Variants in NEBL observed in about 807,000 individuals in gnomAD.
NEBL encodes the protein nebulette, also known as LIM and SH3 protein 2.
A neutral mutation model predicts 140.2 loss-of-function variants in NEBL; 122 were observed. The ratio of observed to expected loss-of-function variants is 0.87; its 90% CI spans 0.75 to 1.01. The LOEUF is 1.01. Among genes scored for constraint, NEBL ranks in the 50% least tolerant of loss-of-function variants. The pLI is 0.00. For missense variants in NEBL, 1,365 were observed against 1,231.3 expected (o/e 1.11, Z -1.62); for synonymous variants, 436 against 398.9 (o/e 1.09, Z -1.11).
At chr10:20,968,685 A>G (rs1239963212) in intron 3 of NEBL, among the ~76,000 whole-genome samples, 1 of 152,242 alleles carries the variant, frequency 6.6e-6, no homozygotes, top group East Asian at 1.9e-4. Flanking sequence ...TATGTTTAAC[A>G]GAAGCCTAAA....
intron 3 of NEBL, among the ~76,000 whole-genome samples, chr10:21,015,457 C>T (rs75800451): frequency 0.074 from 11,336 of 152,274 alleles, 471 homozygotes; most frequent in Middle Eastern, 0.12. Context: ...AAAGGGAATG[C>T]TTTCTACCAC....
rs1389686819 is a variant in NEBL, at chr10:21,027,285, T to A, written c.165-7084A>T. On this transcript the variant is annotated intron_variant, in intron 2 of 6. Transcript: ENST00000417816. ...CATAAAGGAAGAAGTATACTAAATA[T>A]TTAACGTATTATCTTTAAAAAAAAA... 2.7e-5 allele frequency among the ~76,000 whole-genome samples: 4 copies of A among 150,380 alleles called. No homozygotes were observed. The South Asian group carries it at 8.4e-4, about 32-fold the overall frequency.
At chr10:21,254,575 C>T (rs2132275143) in intron 1 of NEBL, among the ~76,000 whole-genome samples, 1 of 152,260 alleles carries the variant, frequency 6.6e-6, no homozygotes, top group South Asian at 2.1e-4. Context: ...TCCCAAGTTG[C>T]TGGTATTACA....
upstream of NEBL, chr10:20,897,537 C>A: frequency 1.9e-6 from 2 of 1,080,562 alleles, no homozygotes; most frequent in Non-Finnish European, 2.2e-6. Context: ...TAATTCTATT[C>A]ATTCATAAAA....
intron 1 of NEBL, among the ~76,000 whole-genome samples, chr10:21,285,993 T>C (rs1410508040): frequency 1.3e-5 from 2 of 152,230 alleles, no homozygotes; most frequent in Non-Finnish European, 1.5e-5. Context: ...CATGCGGGGC[T>C]CAGACCTTCT....
intron 17 of NEBL, 22 bp downstream of exon 17, chr10:20,828,508 A>C: frequency 6.7e-7 from 1 of 1,489,924 alleles, no homozygotes. Flanking sequence ...GTGGCAACTT[A>C]AAAGAAGTAA....
At chr10:21,290,581 G>A (rs1843128823) in intron 1 of NEBL, among the ~76,000 whole-genome samples, 1 of 152,132 alleles carries the variant, frequency 6.6e-6, no homozygotes, top group African/African-American at 2.4e-5. Flanking sequence ...TCATCACAAT[G>A]TTCAGACAAA....
chr10:20,787,115 C>A, intron 27 of NEBL, 87 bp downstream of exon 27: 1 of 1,019,996 alleles, frequency 9.8e-7, no homozygotes. Context: ...ACCCAATATT[C>A]AATTCAACTC....
intron 2 of NEBL, among the ~76,000 whole-genome samples, chr10:21,096,221 T>A (rs1481792244): frequency 6.6e-6 from 1 of 152,154 alleles, no homozygotes; most frequent in East Asian, 1.9e-4. Context: ...AGTTCTAGGA[T>A]CCTCGTCCTT....
chr10:21,210,921 G>T (rs1841905247), intron 3 of NEBL, among the ~76,000 whole-genome samples: 1 of 152,202 alleles, frequency 6.6e-6, no homozygotes, highest in African/African-American at 2.4e-5. Flanking sequence ...CTAGCCAGTA[G>T]GAGTTAATTT....
chr10:20,974,329 C>T (rs1226832921), intron 3 of NEBL, among the ~76,000 whole-genome samples: 1 of 151,234 alleles, frequency 6.6e-6, no homozygotes, highest in East Asian at 2.0e-4. Context: ...TCTTGGCTCA[C>T]TGCAGCCTCA....
chr10:20,886,539 AT>A (rs35595108), intron 4 of NEBL, among the ~76,000 whole-genome samples: 5,684 of 152,258 alleles, frequency 0.037, 160 homozygotes, highest in Non-Finnish European at 0.055. Context: ...AAAAAAAGAA[AT>A]TCTGGGGAAA....
intron 2 of NEBL, among the ~76,000 whole-genome samples, chr10:21,091,593 T>C (rs919281580): frequency 6.6e-6 from 1 of 152,232 alleles, no homozygotes; most frequent in Non-Finnish European, 1.5e-5. Flanking sequence ...CTTGAACTTA[T>C]TAATTCATGC....
intron 3 of NEBL, among the ~76,000 whole-genome samples, chr10:21,241,961 G>T (rs963747691): frequency 6.6e-6 from 1 of 152,208 alleles, no homozygotes; most frequent in Non-Finnish European, 1.5e-5. Flanking sequence ...TAGCACTTTG[G>T]GAGGCTGAGG....
At chr10:20,823,850 GA>G (rs1839590677) in intron 18 of NEBL, among the ~76,000 whole-genome samples, 1 of 151,502 alleles carries the variant, frequency 6.6e-6, no homozygotes, top group Non-Finnish European at 1.5e-5. Flanking sequence ...GAGATGGAAG[GA>G]AATGTACTAA....
At chr10:21,109,177 A>G (rs1837858417) in intron 2 of NEBL, among the ~76,000 whole-genome samples, 1 of 152,160 alleles carries the variant, frequency 6.6e-6, no homozygotes, top group Admixed American at 6.6e-5. Flanking sequence ...CGTTTCATCA[A>G]TACCTAGTTT....
Position 21,241,288 on chromosome 10 carries a change from A to AT in NEBL, n.348+6632_348+6633insA, listed in dbSNP as rs3032939. Among the ~76,000 whole-genome samples the AT allele has an allele frequency of 2.0e-5, 3 of 147,022 alleles. No homozygotes were observed. In the East Asian group the frequency reaches 6.0e-4, roughly 30 times the overall value. On this transcript the variant is annotated intron_variant and non_coding_transcript_variant, in intron 3 of 8. Transcript: ENST00000675702. ...AATAAATAAATAAATAAATAAATAAAAATAAAAATCAATCAAAAGGACCAA... is the reference window on the plus strand; with the variant it reads ...AATAAATAAATAAATAAATAAATAAATAATAAAAATCAATCAAAAGGACCAA...
chr10:20,963,221 C>T (rs1836140425), intron 3 of NEBL, among the ~76,000 whole-genome samples: 1 of 152,186 alleles, frequency 6.6e-6, no homozygotes, highest in African/African-American at 2.4e-5. Context: ...TCTCACCCTC[C>T]ATCTCCCAGC....
intron 1 of NEBL, among the ~76,000 whole-genome samples, chr10:21,267,025 A>G (rs539833732): frequency 2.2e-4 from 34 of 151,446 alleles, no homozygotes; most frequent in Non-Finnish European, 4.4e-4. Flanking sequence ...CTCAGACTGG[A>G]GTGCAACGGC....
Sources: allele counts gnomAD v4.1 joint callset (sites outside exome capture counted in the v4.1 genomes callset), GRCh38; gene constraint gnomAD v4.1.1; transcripts MANE v1.5; gene names NCBI Gene and HGNC (gene_info 2026-07-23, HGNC 2026-07-21).